MSN: variants seen among roughly 807,000 people sequenced by gnomAD.
The protein encoded by MSN is moesin.
Under a neutral mutation model 48.0 loss-of-function variants are expected in MSN, and 2 were observed. The observed-to-expected ratio is 0.04, with a 90% CI of 0.02 to 0.13. MSN has a LOEUF of 0.13. Among genes scored for constraint, MSN ranks in the 10% least tolerant of loss-of-function variants. MSN has a pLI of 1.00. For missense variants in MSN, 267 were observed against 470.1 expected (o/e 0.57, Z 3.99); for synonymous variants, 146 against 166.9 (o/e 0.87, Z 0.97).
chrX:65,622,743 C>T (rs959477387), intron 1 of MSN, among the ~76,000 whole-genome samples: 3 of 110,478 alleles, frequency 2.7e-5, no homozygotes, highest in African/African-American at 9.9e-5. Flanking sequence ...TCTTGAACTC[C>T]TGACCTCAAG....
intron 1 of MSN, among the ~76,000 whole-genome samples, chrX:65,631,227 G>A (rs1369221796): frequency 9.1e-6 from 1 of 109,353 alleles, no homozygotes; most frequent in Non-Finnish European, 1.9e-5. Context: ...TCGAGTAGCT[G>A]GGATTACAGG....
chrX:65,670,734 A>G (rs2070924731), intron 1 of MSN, among the ~76,000 whole-genome samples: 1 of 103,194 alleles, frequency 9.7e-6, no homozygotes, highest in African/African-American at 3.5e-5. Context: ...AAAACAAAAA[A>G]AGCAAAAAAA....
At chrX:65,630,673 C>T (rs2070549122) in intron 1 of MSN, among the ~76,000 whole-genome samples, 1 of 111,353 alleles carries the variant, frequency 9.0e-6, no homozygotes, top group African/African-American at 3.3e-5. Flanking sequence ...TTTCACCCTC[C>T]TTACCCCAGC....
chrX:65,719,782 C>T (rs1464835584), intron 2 of MSN, among the ~76,000 whole-genome samples: 1 of 111,795 alleles, frequency 8.9e-6, no homozygotes, highest in Non-Finnish European at 1.9e-5. Flanking sequence ...CTACCCTCAA[C>T]ACTGGGGGCT....
At chrX:65,657,427 T>C (rs1348062342) in intron 1 of MSN, among the ~76,000 whole-genome samples, 23 of 109,110 alleles carry the variant, frequency 2.1e-4, no homozygotes, top group South Asian at 8.1e-4. Flanking sequence ...TGGTCACATA[T>C]GCAGGGTGAC....
chrX:65,738,900 A>G, intron 11 of MSN, 70 bp from the exon 12 acceptor site: 2 of 1,077,240 alleles, frequency 1.9e-6, no homozygotes, highest in Non-Finnish European at 1.3e-6. Flanking sequence ...AGACCGTTCT[A>G]GGCATATACA....
In MSN at chrX:65,600,155, G is replaced by C. The variant is rs144230950; in HGVS notation, c.-22+11543G>C. On this transcript the variant is annotated intron_variant, in intron 1 of 3. Coordinates refer to the MSN transcript ENST00000609672. ...GGGACTAAGGAGAGAGATGAGCAGA[G>C]GGCCAAAAAGCAGCCACCCAAAATT... Among the ~76,000 whole-genome samples the C allele has an allele frequency of 2.8e-3, 309 of 111,051 alleles. 1 individual carries two copies. The highest frequency in any genetic ancestry group is 5.0e-3 in the Non-Finnish European group (265 of 52,967).
chrX:65,664,692 T>A (rs995271015), upstream of MSN, among the ~76,000 whole-genome samples: 4 of 105,775 alleles, frequency 3.8e-5, no homozygotes, highest in Non-Finnish European at 7.8e-5. Context: ...TTCCCCCTAT[T>A]TCTTAGCTCC....
At chrX:65,706,411 C>T (rs989076200) in intron 1 of MSN, among the ~76,000 whole-genome samples, 7 of 111,763 alleles carry the variant, frequency 6.3e-5, no homozygotes, top group Non-Finnish European at 1.3e-4. Flanking sequence ...CCCACTTATA[C>T]TTGCCTTCTT....
At chrX:65,622,510 G>GTTTT (rs1216557190) in intron 1 of MSN, among the ~76,000 whole-genome samples, 25 of 66,443 alleles carry the variant, frequency 3.8e-4, no homozygotes, top group East Asian at 1.0e-3. Context: ...AGGCATCTTT[G>GTTTT]TTTTTTTTTT....
intron 6 of MSN, 92 bp from the exon 7 acceptor site, chrX:65,733,092 A>G: frequency 1.7e-6 from 1 of 585,260 alleles, no homozygotes; most frequent in Non-Finnish European, 2.8e-6. Context: ...GAGACATAGA[A>G]GCTTGGAGGT....
chrX:65,688,822 A>G (rs2071144043), intron 1 of MSN, among the ~76,000 whole-genome samples: 1 of 111,890 alleles, frequency 8.9e-6, no homozygotes. Flanking sequence ...TGTGTAACCC[A>G]TTCTTGGTAG....
intron 1 of MSN, among the ~76,000 whole-genome samples, chrX:65,626,381 A>C (rs2070506479): frequency 9.0e-6 from 1 of 111,362 alleles, no homozygotes; most frequent in Non-Finnish European, 1.9e-5. Flanking sequence ...TGTACGTTTG[A>C]ATATTATAGT....
chrX:65,646,445 A>T (rs1303214299), intron 1 of MSN, among the ~76,000 whole-genome samples: 3 of 112,017 alleles, frequency 2.7e-5, no homozygotes, highest in Non-Finnish European at 5.6e-5. Context: ...GATAACGATA[A>T]CATAGCTCAC....
At chrX:65,639,237 A>G (rs780774135) in intron 1 of MSN, among the ~76,000 whole-genome samples, 1 of 110,657 alleles carries the variant, frequency 9.0e-6, no homozygotes, top group Admixed American at 9.6e-5. Flanking sequence ...TCCGCTTCCC[A>G]GGTTCAAGCA....
intron 1 of MSN, among the ~76,000 whole-genome samples, chrX:65,689,879 G>A (rs2071156374): frequency 8.9e-6 from 1 of 111,749 alleles, no homozygotes; most frequent in Admixed American, 9.5e-5. Flanking sequence ...TTGTGGACTT[G>A]AAGCAAGGTT....
At chrX:65,688,630 T>C (rs973664511) in intron 1 of MSN, among the ~76,000 whole-genome samples, 1 of 111,995 alleles carries the variant, frequency 8.9e-6, no homozygotes, top group African/African-American at 3.2e-5. Flanking sequence ...GCTTTAAACA[T>C]TTGGCCCTTC....
intron 1 of MSN, among the ~76,000 whole-genome samples, chrX:65,626,856 A>G (rs1170015924): frequency 2.7e-5 from 3 of 111,463 alleles, no homozygotes; most frequent in Admixed American, 9.6e-5. Context: ...GCCCCTAGAG[A>G]GACTAGAATG....
At chrX:65,679,030 G>A (rs1481716235) in intron 1 of MSN, among the ~76,000 whole-genome samples, 2 of 111,632 alleles carry the variant, frequency 1.8e-5, no homozygotes, top group East Asian at 5.6e-4. Context: ...CATGTAAGCA[G>A]CCCCCTCTAT....
Sources: gnomAD v4.1 joint callset for allele counts (sites outside exome capture counted in the v4.1 genomes callset) on GRCh38, gnomAD v4.1.1 for gene constraint, MANE v1.5 for transcripts, NCBI Gene and HGNC (gene_info 2026-07-23, HGNC 2026-07-21) for gene names.